DGKI: variants seen among roughly 807,000 people sequenced by gnomAD.
The protein encoded by DGKI is diacylglycerol kinase iota, also known as DAG kinase iota.
DGKI carries 55 observed loss-of-function variants against 147.5 expected under a neutral mutation model. That is an observed-to-expected ratio of 0.37 (90% CI 0.30 to 0.47). The LOEUF (loss-of-function observed/expected upper bound fraction) is 0.47. Ranked by LOEUF, DGKI falls within the 20% of genes least tolerant of loss-of-function variation. The pLI is 1.00. For synonymous variants in DGKI, 469 were observed against 477.1 expected, an observed-to-expected ratio of 0.98 and a Z score of 0.22; for missense variants, 1,007 against 1,323.8, an observed-to-expected ratio of 0.76 and a Z score of 3.71.
chr7:137,612,672 C>T (rs576479794), intron 8 of DGKI, among the ~76,000 whole-genome samples: 154 of 152,066 alleles, frequency 1.0e-3, no homozygotes, highest in Non-Finnish European at 1.8e-3. Context: ...AAAGAGCACG[C>T]TTTTCGAGAA....
At chr7:137,560,960 C>A (rs993716656) in intron 19 of DGKI, among the ~76,000 whole-genome samples, 6 of 151,142 alleles carry the variant, frequency 4.0e-5, no homozygotes, top group Non-Finnish European at 8.8e-5. Context: ...AATACAGCTA[C>A]AAAGAGGTTT....
At position 137,846,599 on chromosome 7, in the gene DGKI, G is replaced by A. The variant is rs970359985; in HGVS notation, c.264C>T (p.Asp88=). The change falls in exon 1 of 33, where the codon GAC becomes GAT. Residue 88 remains aspartate (D), a synonymous_variant. Coordinates refer to ENST00000614521, the MANE Select transcript of DGKI (RefSeq NM_001321708.2). The surrounding 1 kb of genome is among the most constrained non-coding windows in gnomAD (Gnocchi z 4.0). ...SCCLGAEGGA[D]PRGAGSAAAA... ...CCGCGGCTGACCCTGCGCCCCGCGG[G>A]TCCGCGCCGCCCTCGGCGCCCAGGC... The A allele has an allele frequency of 3.5e-6, 4 of 1,130,708 alleles. No homozygotes were observed. The highest frequency in any genetic ancestry group is 5.1e-5 in the Admixed American group (1 of 19,788). 70.0% of individuals were successfully genotyped at this position (1,130,708 alleles called of 1,614,324 possible). A position where few individuals can be genotyped will look rare whatever the true frequency, so the allele number is the denominator to read the frequency against.
chr7:137,581,249 G>T (rs1819179612), intron 15 of DGKI, among the ~76,000 whole-genome samples: 1 of 151,904 alleles, frequency 6.6e-6, no homozygotes, highest in African/African-American at 2.4e-5. Context: ...TCACTACATG[G>T]TCTCATTCAC....
chr7:137,755,979 G>A (rs116368149), intron 1 of DGKI, among the ~76,000 whole-genome samples: 501 of 152,284 alleles, frequency 3.3e-3, no homozygotes, highest in African/African-American at 0.011. Context: ...AGTCATGGAA[G>A]TTCTTAGGAG....
intron 19 of DGKI, among the ~76,000 whole-genome samples, chr7:137,569,717 A>AGACTC (rs1179805391): frequency 9.1e-6 from 1 of 110,486 alleles, no homozygotes; most frequent in Non-Finnish European, 1.7e-5. Context: ...CAACAGAGTG[A>AGACTC]GACTCTGTCT....
chr7:137,537,039 T>C (rs1817544023), intron 20 of DGKI, among the ~76,000 whole-genome samples: 1 of 152,214 alleles, frequency 6.6e-6, no homozygotes, highest in African/African-American at 2.4e-5. Flanking sequence ...AATTGTCCAT[T>C]GCAGATGTCT....
rs564898119 is a variant in DGKI, at chr7:137,570,997, TCA to T, written c.1947+176_1947+177del. ...TTCTTGAGGTTCAAACAAATGTGCA[TCA>T]GTTTTCTTAGTGACATAAATGATGA... On this transcript the variant is annotated intron_variant, in intron 19 of 32. Coordinates refer to ENST00000614521, the MANE Select transcript of DGKI (RefSeq NM_001321708.2). Among the ~76,000 whole-genome samples the T allele has an allele frequency of 2.5e-4, 38 of 152,370 alleles. 1 individual carries two copies. The South Asian group carries it at 7.2e-3, about 29-fold the overall frequency.
intron 9 of DGKI, among the ~76,000 whole-genome samples, 184 bp from the exon 10 acceptor site, chr7:137,609,248 C>A (rs1409121000): frequency 6.6e-6 from 1 of 152,062 alleles, no homozygotes; most frequent in East Asian, 1.9e-4. Context: ...AGAATTAAGC[C>A]AGGCTTTTTA....
At chr7:137,488,375 A>G (rs963757437) in intron 21 of DGKI, among the ~76,000 whole-genome samples, 1 of 152,298 alleles carries the variant, frequency 6.6e-6, no homozygotes, top group Admixed American at 6.5e-5. Context: ...TCAGAAAACA[A>G]TAAGACAAGA....
intron 30 of DGKI, among the ~76,000 whole-genome samples, chr7:137,399,297 A>G (rs1811662850): frequency 6.6e-6 from 1 of 152,122 alleles, no homozygotes; most frequent in African/African-American, 2.4e-5. Flanking sequence ...AGAACACCTC[A>G]GTTATTTTTT....
chr7:137,408,140 A>G lies in DGKI; in HGVS notation c.2800-145T>C, dbSNP rs1343340869. The G allele has an allele frequency of 4.5e-6, 4 of 885,264 alleles. No individual in the cohort carries two copies. In the East Asian group the frequency reaches 1.1e-4, roughly 24 times the overall value. 54.8% of individuals were successfully genotyped at this position (885,264 alleles called of 1,614,324 possible). On this transcript the variant is annotated intron_variant, in intron 29 of 32. Coordinates refer to ENST00000614521, the MANE Select transcript of DGKI (RefSeq NM_001321708.2). ...AGAGAAAAGTCAAAAAGGTGAAGTA[A>G]CATTCCTGGACTGTGTTATCACTCA...
intron 20 of DGKI, among the ~76,000 whole-genome samples, chr7:137,532,353 A>G (rs917850069): frequency 6.6e-6 from 1 of 152,244 alleles, no homozygotes; most frequent in African/African-American, 2.4e-5. Flanking sequence ...ATTACATAAA[A>G]GGCATTTTCT....
chr7:137,846,520 C>T lies in DGKI; in HGVS notation c.343G>A (p.Asp115Asn). The change falls in exon 1 of 33, where the codon GAC becomes AAC. Residue 115 changes from aspartate to asparagine, a missense_variant. By Grantham distance (23) the Asp-to-Asn change is conservative. Transcript: ENST00000614521. The surrounding 1 kb of genome is among the most constrained non-coding windows in gnomAD (Gnocchi z 4.0). ...CTCAGCTTCTCCTCCAGCGCTTCGTCCTTCTCCTTCTGGCCGGCGGCCGCG... is the reference window on the plus strand; with the variant it reads ...CTCAGCTTCTCCTCCAGCGCTTCGTTCTTCTCCTTCTGGCCGGCGGCCGCG... ...EPAAAGQKEK[D>N]EALEEKLRNL... The T allele has an allele frequency of 6.3e-7, 1 of 1,576,316 alleles. No individual in the cohort carries two copies. The highest frequency in any genetic ancestry group is 8.6e-7 in the Non-Finnish European group (1 of 1,164,804).
Position 137,619,800 on chromosome 7 carries a change from CA to C in DGKI, c.993+23del. 4 of 1,573,516 alleles carry C rather than the reference CA, an allele frequency of 2.5e-6. No individual in the cohort carries two copies. The South Asian group carries it at 4.4e-5, about 17-fold the overall frequency. ...TTCATTTTTCTCTGCACTGGCCCAG[CA>C]GCACCAGAGTCCTGGCAGTTACCTG... On this transcript the variant is annotated intron_variant, in intron 8 of 32. Coordinates refer to ENST00000614521, the MANE Select transcript of DGKI (RefSeq NM_001321708.2).
chr7:137,578,318 A>T lies in DGKI; in HGVS notation c.1650T>A (p.Asn550Lys), dbSNP rs1251959667. The T allele has an allele frequency of 1.9e-6, 3 of 1,613,494 alleles. No homozygotes were observed. Among genetic ancestry groups the T allele is most frequent in the South Asian group, 2.2e-5 (2 of 91,026 alleles). Reference sequence around the variant, plus strand: ...GAAAACGACTGTTGAATTTCTCTGGATTTGCTTCTGTGAAAGAGGAAAAGT... The same window carrying T: ...GAAAACGACTGTTGAATTTCTCTGGTTTTGCTTCTGTGAAAGAGGAAAAGT... Reference protein sequence around the residue: ...TLEFHESREANPEKFNSRFRN... With the variant: ...TLEFHESREAKPEKFNSRFRN... The change falls in exon 16 of 33, where the codon AAT becomes AAA. Residue 550 changes from asparagine (N) to lysine (K), a missense_variant. Physicochemically the swap from Asn to Lys is moderately conservative, Grantham distance 94. Coordinates refer to ENST00000614521, the MANE Select transcript of DGKI (RefSeq NM_001321708.2).
chr7:137,735,793 G>A (rs921352800), intron 1 of DGKI, among the ~76,000 whole-genome samples: 2 of 152,052 alleles, frequency 1.3e-5, no homozygotes, highest in African/African-American at 4.8e-5. Context: ...ATAGACCAGA[G>A]CAGACCCTAC....
chr7:137,757,860 A>G (rs1056699577), intron 1 of DGKI, among the ~76,000 whole-genome samples: 3 of 152,262 alleles, frequency 2.0e-5, no homozygotes, highest in African/African-American at 7.2e-5. Flanking sequence ...ACCTGGCAGA[A>G]GTAGATATTT....
intron 2 of DGKI, among the ~76,000 whole-genome samples, chr7:137,683,787 G>A (rs1823322947): frequency 6.6e-6 from 1 of 151,998 alleles, no homozygotes; most frequent in Admixed American, 6.5e-5. Flanking sequence ...AGTCTGTATA[G>A]CTATATATAT....
chr7:137,601,671 A>G (rs551875204), intron 10 of DGKI, among the ~76,000 whole-genome samples: 65 of 152,376 alleles, frequency 4.3e-4, no homozygotes, highest in Non-Finnish European at 7.2e-4. Flanking sequence ...TATCTAGCAC[A>G]GTATGCGGCA....
Sources: gnomAD v4.1 joint callset for allele counts (sites outside exome capture counted in the v4.1 genomes callset) on GRCh38, gnomAD v4.1.1 for gene constraint, Gnocchi (gnomAD v3.1) non-coding constraint, MANE v1.5 for transcripts, NCBI Gene and HGNC (gene_info 2026-07-23, HGNC 2026-07-21) for gene names.